Variants in WDR46 observed in about 807,000 individuals in gnomAD.
The protein encoded by WDR46 is WD repeat domain 46.
WDR46 carries 58 observed loss-of-function variants against 74.7 expected under a neutral mutation model. That is an observed-to-expected ratio of 0.78 (90% confidence interval 0.63 to 0.97). The LOEUF is 0.97. Ranked by LOEUF, WDR46 falls within the 50% of genes least tolerant of loss-of-function variation. The probability of loss-of-function intolerance (pLI) is 0.00; values close to 1 mark genes in which losing one functional copy is unlikely to be tolerated. For synonymous variants in WDR46, 278 were observed against 297.3 expected (o/e 0.93, Z 0.67); for missense variants, 702 against 790.1 (o/e 0.89, Z 1.34).
At chr6:33,285,045 G>C (rs1188495866) in intron 10 of WDR46, among the ~76,000 whole-genome samples, 14 of 152,126 alleles carry the variant, frequency 9.2e-5, no homozygotes. Context: ...TGAAATACTT[G>C]CAATCTCTAC....
intron 6 of WDR46, 49 bp from the exon 7 acceptor site, chr6:33,287,767 C>T: frequency 6.2e-7 from 1 of 1,603,624 alleles, no homozygotes; most frequent in Non-Finnish European, 8.5e-7. Context: ...GGACCACCGA[C>T]TCAGACAACT....
At chr6:33,286,426 G>A (rs1292302322) in intron 10 of WDR46, among the ~76,000 whole-genome samples, 2 of 152,056 alleles carry the variant, frequency 1.3e-5, no homozygotes, top group Non-Finnish European at 2.9e-5. Context: ...CAGCCTGGGT[G>A]TCAGAGCGAG....
intron 10 of WDR46, among the ~76,000 whole-genome samples, chr6:33,283,466 G>A (rs1766361890): frequency 6.6e-6 from 1 of 152,126 alleles, no homozygotes; most frequent in South Asian, 2.1e-4. Flanking sequence ...GTGTGGTGGT[G>A]TGTACCTGAG....
At chr6:33,286,299 T>C (rs1766624711) in intron 10 of WDR46, among the ~76,000 whole-genome samples, 1 of 151,854 alleles carries the variant, frequency 6.6e-6, no homozygotes, top group African/African-American at 2.4e-5. Flanking sequence ...ATACAAAAAT[T>C]AGCCAGGTGT....
intron 10 of WDR46, among the ~76,000 whole-genome samples, chr6:33,283,847 G>A (rs1422380003): frequency 2.0e-5 from 3 of 152,112 alleles, no homozygotes; most frequent in Admixed American, 6.5e-5. Context: ...GTAATGAACC[G>A]AGATCGCGCC....
At chr6:33,283,998 C>G (rs369924603) in intron 10 of WDR46, among the ~76,000 whole-genome samples, 1 of 152,056 alleles carries the variant, frequency 6.6e-6, no homozygotes, top group Admixed American at 6.5e-5. Context: ...AATCCCAACA[C>G]TTGCACTTTG....
At chr6:33,287,060 G>A (rs1316608152) in intron 9 of WDR46, 31 bp downstream of exon 9, 4 of 1,603,430 alleles carry the variant, frequency 2.5e-6, no homozygotes, top group Non-Finnish European at 3.4e-6. Context: ...AAGTCAGGAT[G>A]GTCAGAGTCA....
intron 10 of WDR46, among the ~76,000 whole-genome samples, chr6:33,284,156 G>A (rs922144138): frequency 6.6e-6 from 1 of 151,188 alleles, no homozygotes; most frequent in Admixed American, 6.6e-5. Flanking sequence ...GGCTGAGGCA[G>A]GAGAATCGCT....
intron 6 of WDR46, 95 bp from the exon 7 acceptor site, chr6:33,287,813 C>A (rs530541537): frequency 2.0e-6 from 3 of 1,528,034 alleles, no homozygotes; most frequent in South Asian, 2.2e-5. Context: ...TCTCTCCAGG[C>A]GGGCAGACAC....
chr6:33,281,023 A>G, intron 10 of WDR46, 36 bp from the exon 11 acceptor site: 1 of 1,549,006 alleles, frequency 6.5e-7, no homozygotes, highest in Non-Finnish European at 8.7e-7. Context: ...ATATGTCAGT[A>G]AATGGGTTTA....
In WDR46 at chr6:33,289,217, C is replaced by T. The variant is rs1418068111; in HGVS notation, c.-47G>A. The T allele has an allele frequency of 1.9e-6, 3 of 1,582,850 alleles. No homozygotes were observed. The highest frequency in any genetic ancestry group is 4.5e-5 in the East Asian group (2 of 44,528). On this transcript the variant is annotated 5_prime_UTR_variant, in exon 1 of 15. Transcript: ENST00000374617. The stretch of plus-strand genomic sequence containing the variant: ...CCACGTGCAAAACTCCTCTCAGCTG[C>T]CACACAGTCGGCTTGAAAACTCCCG...
chr6:33,281,070 G>A, intron 10 of WDR46, 83 bp from the exon 11 acceptor site: 1 of 1,428,234 alleles, frequency 7.0e-7, no homozygotes, highest in South Asian at 1.4e-5. Flanking sequence ...CATCAAGTCT[G>A]GCTGGGGAGA....
At chr6:33,284,313 G>A (rs1452809414) in intron 10 of WDR46, 1 of 153,518 alleles carries the variant, frequency 6.5e-6, no homozygotes, top group Non-Finnish European at 1.5e-5. Context: ...ACCACACCAG[G>A]GCAGGCTCAA....
At position 33,287,124 on chromosome 6, in the gene WDR46, A is replaced by C. The variant is rs770535669; in HGVS notation, c.982T>G (p.Tyr328Asp). The change falls in exon 9 of 15, where the codon TAC (tyrosine) becomes GAC (aspartate). Residue 328 changes from tyrosine (Y) to aspartate (D), a missense_variant. Physicochemically the swap from Tyr to Asp is radical, Grantham distance 160. Transcript: ENST00000374617. The stretch of plus-strand genomic sequence containing the variant: ...TGTCCGAGATGGATGACGGCATTGT[A>C]AGGGTTCTGACTCATAACATCGAGC... ...GRLDVMSQNP[Y>D]NAVIHLGHSN... 1 of 1,614,034 alleles carries C rather than the reference A, an allele frequency of 6.2e-7. No homozygotes were observed. The highest frequency in any genetic ancestry group is 1.1e-5 in the South Asian group (1 of 91,068).
chr6:33,280,599 A>G, intron 11 of WDR46, 75 bp downstream of exon 11: 4 of 1,602,836 alleles, frequency 2.5e-6, no homozygotes, highest in Non-Finnish European at 3.4e-6. Context: ...CTAAGCCCCC[A>G]GTTCCTGGAT....
At chr6:33,281,239 T>C (rs1384797236) in intron 10 of WDR46, among the ~76,000 whole-genome samples, 1 of 152,208 alleles carries the variant, frequency 6.6e-6, no homozygotes, top group Non-Finnish European at 1.5e-5. Flanking sequence ...TGGTCAGGCC[T>C]GTCTCTTTAG....
At chr6:33,286,617 G>A in intron 10 of WDR46, among the ~76,000 whole-genome samples, 178 bp downstream of exon 10, 1 of 152,148 alleles carries the variant, frequency 6.6e-6, no homozygotes, top group African/African-American at 2.4e-5. Flanking sequence ...TCGGGGTCAG[G>A]AAACTGTGGC....
intron 10 of WDR46, 55 bp from the exon 11 acceptor site, chr6:33,281,042 G>A: frequency 6.6e-7 from 1 of 1,524,710 alleles, no homozygotes; most frequent in South Asian, 1.3e-5. Flanking sequence ...TACCAAGCAA[G>A]CTGTGGCCAA....
At chr6:33,287,560 A>G in intron 7 of WDR46, 54 bp downstream of exon 7, 1 of 1,613,706 alleles carries the variant, frequency 6.2e-7, no homozygotes, top group Admixed American at 1.7e-5. Flanking sequence ...GCTATCATTC[A>G]ATCAGGAATG....
Sources: allele counts gnomAD v4.1 joint callset (sites outside exome capture counted in the v4.1 genomes callset), GRCh38; gene constraint gnomAD v4.1.1; transcripts MANE v1.5; gene names NCBI Gene and HGNC (gene_info 2026-07-23, HGNC 2026-07-21).